Variants in LARP1 observed in about 807,000 individuals in gnomAD.
LARP1 encodes the protein la-related protein 1.
A neutral mutation model predicts 122.7 loss-of-function variants in LARP1; 36 were observed. That is an observed-to-expected ratio of 0.29 (90% CI 0.22 to 0.39). LARP1 has a LOEUF of 0.39. Ranked by LOEUF, LARP1 falls within the 10% of genes least tolerant of loss-of-function variation. The probability of loss-of-function intolerance (pLI) is 1.00; values close to 1 mark genes in which losing one functional copy is unlikely to be tolerated. For synonymous variants in LARP1, 539 were observed against 528.7 expected, an observed-to-expected ratio of 1.02 and a Z score of -0.27; for missense variants, 1,040 against 1,403.6, an observed-to-expected ratio of 0.74 and a Z score of 4.14.
At chr5:154,784,532 A>G (rs751029692) in intron 1 of LARP1, among the ~76,000 whole-genome samples, 2 of 152,180 alleles carry the variant, frequency 1.3e-5, no homozygotes, top group South Asian at 2.1e-4. Flanking sequence ...CCAGTCCCCA[A>G]ATAAGCATTT....
At chr5:154,784,788 C>A (rs1756754342) in intron 1 of LARP1, among the ~76,000 whole-genome samples, 1 of 152,178 alleles carries the variant, frequency 6.6e-6, no homozygotes, top group Non-Finnish European at 1.5e-5. Context: ...CTCCTCAGAC[C>A]TTCACATCTG....
intron 14 of LARP1, 103 bp downstream of exon 14, chr5:154,804,410 A>G (rs1758588228): frequency 2.3e-6 from 2 of 865,478 alleles, no homozygotes; most frequent in Non-Finnish European, 3.8e-6. Context: ...AATTAAAGGG[A>G]CCCTCATCTA....
At chr5:154,797,357 C>G (rs1431215826) in intron 8 of LARP1, among the ~76,000 whole-genome samples, 1 of 150,100 alleles carries the variant, frequency 6.7e-6, no homozygotes, top group Non-Finnish European at 1.5e-5. Flanking sequence ...CCTCAGCCTT[C>G]CAAGTAGCTG....
intron 1 of LARP1, among the ~76,000 whole-genome samples, chr5:154,772,880 T>G (rs59919514): frequency 6.6e-6 from 1 of 151,666 alleles, no homozygotes; most frequent in African/African-American, 2.4e-5. Flanking sequence ...AGAGACGGGG[T>G]TTTTCCGTGT....
chr5:154,763,814 T>G (rs1003141590), intron 1 of LARP1, among the ~76,000 whole-genome samples: 1 of 151,346 alleles, frequency 6.6e-6, no homozygotes, highest in Non-Finnish European at 1.5e-5. Context: ...GAGACCAGTC[T>G]GGGTAACATA....
intron 1 of LARP1, among the ~76,000 whole-genome samples, chr5:154,706,114 G>A (rs377180150): frequency 7.2e-5 from 11 of 151,824 alleles, no homozygotes; most frequent in African/African-American, 2.4e-4. Flanking sequence ...TGGCCAACAC[G>A]GCGAAACCCC....
intron 1 of LARP1, among the ~76,000 whole-genome samples, chr5:154,760,219 A>C (rs769626334): frequency 9.8e-5 from 15 of 152,312 alleles, no homozygotes; most frequent in Non-Finnish European, 2.1e-4. Context: ...TTGGGATTAC[A>C]GGCGTGAGCC....
chr5:154,718,886 C>G (rs1755681117), intron 1 of LARP1, among the ~76,000 whole-genome samples: 1 of 152,162 alleles, frequency 6.6e-6, no homozygotes, highest in African/African-American at 2.4e-5. Context: ...TATCCTTGAG[C>G]CAGCCAATCT....
At chr5:154,708,680 C>T (rs984571472), upstream of LARP1, among the ~76,000 whole-genome samples, 15 of 152,096 alleles carry the variant, frequency 9.9e-5, no homozygotes, top group Admixed American at 9.2e-4. Context: ...ATGGTGATCT[C>T]GGCTCACCAC....
At chr5:154,786,653 A>G (rs1481639821) in intron 1 of LARP1, 1 of 333,828 alleles carries the variant, frequency 3.0e-6, no homozygotes, top group East Asian at 8.2e-5. Flanking sequence ...AGATTACACT[A>G]AGAAGGCTTT....
intron 1 of LARP1, among the ~76,000 whole-genome samples, chr5:154,747,305 CAA>C (rs1159076798): frequency 2.0e-4 from 15 of 74,502 alleles, no homozygotes; most frequent in Admixed American, 3.0e-4. Flanking sequence ...GACTCTGTCC[CAA>C]AAAAAAAAAA....
chr5:154,753,942 C>A (rs1168391994), upstream of LARP1, among the ~76,000 whole-genome samples: 1 of 152,052 alleles, frequency 6.6e-6, no homozygotes, highest in African/African-American at 2.4e-5. Context: ...ACATTCCAGG[C>A]TGTTATGTTA....
At chr5:154,708,060 G>A (rs183106024), upstream of LARP1, among the ~76,000 whole-genome samples, 5 of 152,150 alleles carry the variant, frequency 3.3e-5, no homozygotes, top group Admixed American at 6.6e-5. Context: ...CAAATGGGTC[G>A]CGGATCCATT....
rs529943708 is a variant in LARP1, at chr5:154,813,947, G to A, written c.3142G>A (p.Gly1048Ser). ...CTCAGTGGTAGCAGGAGGTGGCGGC[G>A]GTGAGGGCAGGAAGCGGTGCCCCTC... ...RHSVVAGGGG[G>S]EGRKRCPSQS... The change falls in exon 19 of 19, where the codon GGT (glycine) becomes AGT (serine). Residue 1048 changes from glycine (G) to serine (S), a missense_variant. Coordinates refer to ENST00000518297, the MANE Select transcript of LARP1 (RefSeq NM_033551.3). The A allele has an allele frequency of 1.3e-5, 21 of 1,614,016 alleles. No individual in the cohort carries two copies. Among genetic ancestry groups the A allele is most frequent in the South Asian group, 6.6e-5 (6 of 91,072 alleles).
In LARP1 at chr5:154,802,264, G is replaced by C. The variant is rs141357520; in HGVS notation, c.1974G>C (p.Gly658=). The stretch of plus-strand genomic sequence containing the variant: ...CACATTACATGCGCCGGCACCCAGG[G>C]GGGGACCGCACAGGCAACCACACCT... ...QTPHYMRRHP[G]GDRTGNHTSR... Residue 658 remains glycine, a synonymous_variant, in exon 11 of 19, where the codon GGG becomes GGC. Coordinates refer to ENST00000518297, the MANE Select transcript of LARP1 (RefSeq NM_033551.3). The surrounding 1 kb of genome is among the most constrained non-coding windows in gnomAD (Gnocchi z 5.1). 2.5e-6 allele frequency: 4 copies of C among 1,614,196 alleles called. No homozygotes were observed. The highest frequency in any genetic ancestry group is 2.5e-6 in the Non-Finnish European group (3 of 1,180,026).
At chr5:154,798,300 A>G (rs1484151172) in intron 8 of LARP1, among the ~76,000 whole-genome samples, 1 of 152,242 alleles carries the variant, frequency 6.6e-6, no homozygotes, top group African/African-American at 2.4e-5. Context: ...CATTTAAGAA[A>G]AAAGCAAATG....
chr5:154,745,092 TA>T (rs1753119669), intron 1 of LARP1, among the ~76,000 whole-genome samples: 2 of 150,898 alleles, frequency 1.3e-5, no homozygotes, highest in Admixed American at 1.3e-4. Flanking sequence ...CACACCCAGC[TA>T]ATTTCTGTAT....
chr5:154,733,465 G>T (rs1756701755), intron 1 of LARP1, among the ~76,000 whole-genome samples: 1 of 152,204 alleles, frequency 6.6e-6, no homozygotes, highest in Admixed American at 6.5e-5. Context: ...AAAATGCTGG[G>T]ATTACAGCTA....
intron 8 of LARP1, 65 bp downstream of exon 8, chr5:154,795,384 G>A: frequency 6.5e-7 from 1 of 1,542,278 alleles, no homozygotes; most frequent in Non-Finnish European, 8.9e-7. Context: ...CTGGAGTTTG[G>A]GCCAAGGCAG....
Sources: allele counts gnomAD v4.1 joint callset (sites outside exome capture counted in the v4.1 genomes callset), GRCh38; gene constraint gnomAD v4.1.1; non-coding constraint Gnocchi (gnomAD v3.1); transcripts MANE v1.5; gene names NCBI Gene and HGNC (gene_info 2026-07-23, HGNC 2026-07-21).